Variants in ADGRE3 observed in about 807,000 individuals in gnomAD.
The protein encoded by ADGRE3 is adhesion G protein-coupled receptor E3, also known as EGF-like module receptor 3.
In ADGRE3, 88 loss-of-function variants were observed where a neutral mutation model predicts 80.1. The ratio of observed to expected loss-of-function variants is 1.10; its 90% CI spans 0.93 to 1.31. The LOEUF is 1.31. ADGRE3 is among the 40% of genes most tolerant of loss of function. The pLI is 0.00. For missense variants in ADGRE3, 715 were observed against 776.5 expected (o/e 0.92, Z 0.94); for synonymous variants, 281 against 294.8 (o/e 0.95, Z 0.48).
At chr19:14,656,883 T>G (rs1971781284) in intron 5 of ADGRE3, among the ~76,000 whole-genome samples, 1 of 152,172 alleles carries the variant, frequency 6.6e-6, no homozygotes, top group South Asian at 2.1e-4. Flanking sequence ...TCTTAACTCC[T>G]ATATCATTGT....
At chr19:14,658,666 G>C in intron 4 of ADGRE3, 116 bp from the exon 5 acceptor site, 1 of 481,450 alleles carries the variant, frequency 2.1e-6, no homozygotes, top group Non-Finnish European at 3.6e-6. Flanking sequence ...GTAAAAGCCT[G>C]AATTCATAGT....
At chr19:14,657,574 A>C (rs977250410) in intron 5 of ADGRE3, among the ~76,000 whole-genome samples, 26 of 151,984 alleles carry the variant, frequency 1.7e-4, no homozygotes, top group African/African-American at 6.3e-4. Flanking sequence ...ATATAAGTAG[A>C]TACAGATACA....
At chr19:14,623,194 C>A (rs1431232496) in intron 15 of ADGRE3, among the ~76,000 whole-genome samples, 1 of 49,406 alleles carries the variant, frequency 2.0e-5, no homozygotes, top group Admixed American at 2.2e-4. Flanking sequence ...TCACACTAGT[C>A]ACATTCTTGT....
chr19:14,628,899 T>C (rs1970800811), intron 14 of ADGRE3: 1 of 159,614 alleles, frequency 6.3e-6, no homozygotes, highest in Admixed American at 6.5e-5. Context: ...CACTATATAA[T>C]TGGTATTGAC....
At chr19:14,642,821 A>G (rs1190210766) in intron 9 of ADGRE3, among the ~76,000 whole-genome samples, 2 of 152,164 alleles carry the variant, frequency 1.3e-5, no homozygotes, top group African/African-American at 2.4e-5. Flanking sequence ...TTCTTTATCC[A>G]GTCTACCATT....
Position 14,619,384 on chromosome 19 carries a change from A to G in ADGRE3, c.*49T>C. The stretch of plus-strand genomic sequence containing the variant: ...CCTTAGCTTCATTCTTCATAATGCC[A>G]AAGAGATCCATGGATATGATTTTCC... On this transcript the variant is annotated 3_prime_UTR_variant, in exon 16 of 16. Coordinates refer to ENST00000253673, the MANE Select transcript of ADGRE3 (RefSeq NM_032571.5). The G allele has an allele frequency of 7.7e-7, 1 of 1,298,938 alleles. No individual in the cohort carries two copies. The highest frequency in any genetic ancestry group is 1.7e-5 in the Admixed American group (1 of 59,110). The allele number at this position is 1,298,938 out of a possible 1,614,324, so 80.5% of individuals were successfully genotyped here. A position where few individuals can be genotyped will look rare whatever the true frequency, so the allele number is the denominator to read the frequency against.
At chr19:14,642,343 T>C (rs988151369) in intron 9 of ADGRE3, among the ~76,000 whole-genome samples, 1 of 151,784 alleles carries the variant, frequency 6.6e-6, no homozygotes, top group African/African-American at 2.4e-5. Flanking sequence ...AGACCCCGTA[T>C]CTAAAAAAAA....
chr19:14,632,994 T>A lies in ADGRE3; in HGVS notation c.1570A>T (p.Ile524Phe). 1 of 1,613,714 alleles carries A rather than the reference T, an allele frequency of 6.2e-7. No individual in the cohort carries two copies. Among genetic ancestry groups the A allele is most frequent in the Non-Finnish European group, 8.5e-7 (1 of 1,179,658 alleles). ...AIFSANLVLF[I>F]LVFWILKRKL... ...CTTTTCAAAATCCAAAAGACCAAGA[T>A]AAACAATACTAAATTCGCCTGCAGG... The change falls in exon 13 of 16, where the codon ATC becomes TTC. Residue 524 changes from isoleucine to phenylalanine, a missense_variant. Ile to Phe is a conservative substitution (Grantham distance 21, BLOSUM62 0). Transcript: ENST00000253673.
rs528006920 is a variant in ADGRE3, at chr19:14,632,523, T to C, written c.1643+398A>G. 7.6e-4 allele frequency among the ~76,000 whole-genome samples: 115 copies of C among 152,256 alleles called. 1 individual carries two copies. The highest frequency in any genetic ancestry group is 2.2e-3 in the African/African-American group (90 of 41,532). On this transcript the variant is annotated intron_variant, in intron 13 of 15. Transcript: ENST00000253673. The stretch of plus-strand genomic sequence containing the variant: ...ATGGGATATGAGCAAATGTGGCAAC[T>C]GCAACTCCTATATTACCTCCTTCCC...
At chr19:14,619,879 TTAGCAGCCCCAAGCTCCACAGAGGA>T (rs775165946) in intron 15 of ADGRE3, among the ~76,000 whole-genome samples, 8 of 152,194 alleles carry the variant, frequency 5.3e-5, no homozygotes, top group Non-Finnish European at 8.8e-5. Flanking sequence ...ACAGCTTGGT[TTAGCAGCCCCAAGCTCCACAGAGGA>T]ACCAACATCT....
At chr19:14,638,049 C>A in intron 11 of ADGRE3, 56 bp downstream of exon 11, 2 of 1,261,344 alleles carry the variant, frequency 1.6e-6, no homozygotes, top group Admixed American at 1.7e-5. Context: ...ATGAATGCTG[C>A]CCTCAAAAGC....
rs117666474 is a variant in ADGRE3, at chr19:14,639,178, C to A, written c.1249-838G>T. On this transcript the variant is annotated intron_variant, in intron 10 of 15. Coordinates refer to ENST00000253673, the MANE Select transcript of ADGRE3 (RefSeq NM_032571.5). ...AAGTGCTGGTATTACAAGCATGAACCGCCACCCCAGTCCTAAAAGAGTGAA... is the reference window on the plus strand; with the variant it reads ...AAGTGCTGGTATTACAAGCATGAACAGCCACCCCAGTCCTAAAAGAGTGAA... Among the ~76,000 whole-genome samples the A allele has an allele frequency of 6.6e-5, 10 of 152,164 alleles. No homozygotes were observed. In the East Asian group the frequency reaches 1.9e-3, roughly 29 times the overall value.
chr19:14,604,301 C>T, the ADGRE3 span, among the ~76,000 whole-genome samples: 1 of 152,160 alleles, frequency 6.6e-6, no homozygotes, highest in African/African-American at 2.4e-5. Flanking sequence ...CCAGATTCTT[C>T]TCTCTGGGGC....
At chr19:14,636,159 C>CT (rs1245295393) in intron 11 of ADGRE3, among the ~76,000 whole-genome samples, 815 of 25,836 alleles carry the variant, frequency 0.032, 165 homozygotes, top group Middle Eastern at 0.13. Flanking sequence ...TCTTCCTTTC[C>CT]TCCTTTCCTT....
At chr19:14,674,270 G>A (rs1243332781) in intron 1 of ADGRE3, among the ~76,000 whole-genome samples, 3 of 152,068 alleles carry the variant, frequency 2.0e-5, no homozygotes, top group African/African-American at 7.2e-5. Flanking sequence ...GCTGAGGCGG[G>A]TGGATCACCT....
chr19:14,663,620 C>A, intron 2 of ADGRE3, 80 bp from the exon 3 acceptor site: 2 of 1,489,916 alleles, frequency 1.3e-6, no homozygotes, highest in Non-Finnish European at 1.8e-6. Context: ...CTCTTGATCA[C>A]CTGAGGTCAG....
intron 11 of ADGRE3, among the ~76,000 whole-genome samples, chr19:14,637,164 CA>C (rs1486165759): frequency 1.3e-5 from 2 of 152,098 alleles, no homozygotes; most frequent in African/African-American, 4.8e-5. Flanking sequence ...TCCTGTGTAC[CA>C]GTGAAACTAC....
At chr19:14,646,689 C>CCTTCCTTCCTTCCTTCCTTCCT (rs1971413668) in intron 8 of ADGRE3, among the ~76,000 whole-genome samples, 4 of 91,142 alleles carry the variant, frequency 4.4e-5, no homozygotes, top group African/African-American at 2.2e-4. Context: ...CCCTCCCTCC[C>CCTTCCTTCCTTCCTTCCTTCCT]TCCCTCCTTC....
chr19:14,659,418 T>G (rs1971874854), intron 4 of ADGRE3, among the ~76,000 whole-genome samples: 1 of 152,148 alleles, frequency 6.6e-6, no homozygotes, highest in Non-Finnish European at 1.5e-5. Context: ...AGAAGCCTCT[T>G]GTGTTTAAAG....
Sources: allele counts gnomAD v4.1 joint callset (sites outside exome capture counted in the v4.1 genomes callset), GRCh38; gene constraint gnomAD v4.1.1; transcripts MANE v1.5; gene names NCBI Gene and HGNC (gene_info 2026-07-23, HGNC 2026-07-21).